Variants in GPATCH2L observed in about 807,000 individuals in gnomAD.
GPATCH2L encodes G patch domain-containing protein 2-like.
GPATCH2L carries 31 observed loss-of-function variants against 57.4 expected under a neutral mutation model. The ratio of observed to expected loss-of-function variants is 0.54; its 90% CI spans 0.41 to 0.73. GPATCH2L has a LOEUF of 0.73. Among genes scored for constraint, GPATCH2L ranks in the 30% least tolerant of loss-of-function variants. The pLI, the probability that GPATCH2L is intolerant of heterozygous loss-of-function variation, is 0.00. For missense variants in GPATCH2L, 481 were observed against 599.9 expected, an observed-to-expected ratio of 0.80 and a Z score of 2.07; for synonymous variants, 199 against 210.7, an observed-to-expected ratio of 0.94 and a Z score of 0.48.
At chr14:76,175,588 G>T (rs965064749) in intron 5 of GPATCH2L, 1 of 151,662 alleles carries the variant, frequency 6.6e-6, no homozygotes, top group Non-Finnish European at 1.5e-5. Context: ...TTTTCCCTTG[G>T]CCCCCCTACC....
chr14:76,171,324 C>T (rs2039073649), intron 3 of GPATCH2L, among the ~76,000 whole-genome samples: 1 of 151,288 alleles, frequency 6.6e-6, no homozygotes, highest in Non-Finnish European at 1.5e-5. Context: ...CCTGTAATCC[C>T]AGCACTTTGG....
intron 2 of GPATCH2L, 36 bp downstream of exon 2, chr14:76,155,061 G>A (rs760383885): frequency 1.3e-6 from 2 of 1,557,580 alleles, no homozygotes; most frequent in South Asian, 2.3e-5. Flanking sequence ...GATTTTCCTG[G>A]TTAATTTTTC....
downstream of GPATCH2L, among the ~76,000 whole-genome samples, chr14:76,216,437 T>C (rs1228502038): frequency 1.3e-5 from 2 of 152,154 alleles, no homozygotes; most frequent in African/African-American, 4.8e-5. Flanking sequence ...AATCCAGGTA[T>C]CAGATAACTC....
At chr14:76,181,913 G>C (rs1349516721) in intron 8 of GPATCH2L, among the ~76,000 whole-genome samples, 1 of 152,126 alleles carries the variant, frequency 6.6e-6, no homozygotes, top group Non-Finnish European at 1.5e-5. Context: ...GCACAAAGAA[G>C]TTACTTTCAT....
intron 2 of GPATCH2L, among the ~76,000 whole-genome samples, chr14:76,160,785 G>T (rs1437518159): frequency 6.6e-6 from 1 of 152,156 alleles, no homozygotes; most frequent in Non-Finnish European, 1.5e-5. Flanking sequence ...ACTGTGAGAA[G>T]ACGTTCCATC....
intron 2 of GPATCH2L, among the ~76,000 whole-genome samples, chr14:76,162,088 C>T (rs1238281313): frequency 6.6e-6 from 1 of 151,238 alleles, no homozygotes; most frequent in Non-Finnish European, 1.5e-5. Flanking sequence ...AATACTTTAT[C>T]GCTTGGAATC....
Position 76,154,867 on chromosome 14 carries a change from G to C in GPATCH2L, c.504G>C (p.Leu168=), listed in dbSNP as rs2038228684. 4 of 1,614,224 alleles carry C rather than the reference G, an allele frequency of 2.5e-6. No homozygotes were observed. Among genetic ancestry groups the C allele is most frequent in the Non-Finnish European group, 3.4e-6 (4 of 1,180,024 alleles). Residue 168 remains leucine, a synonymous_variant, in exon 2 of 10, where the codon CTG becomes CTC. Transcript: ENST00000261530. The surrounding 1 kb of genome is among the most constrained non-coding windows in gnomAD (Gnocchi z 4.4). Reference sequence around the variant, plus strand: ...TCAAGTCTGCTAAGAAGCAGCGTCTGTCCCGCTGGAAGGAGAATACTCCCT... The same window carrying C: ...TCAAGTCTGCTAAGAAGCAGCGTCTCTCCCGCTGGAAGGAGAATACTCCCT... ...CRFKSAKKQR[L]SRWKENTPWT...
chr14:76,178,522 A>G (rs937935782), intron 7 of GPATCH2L: 2 of 205,004 alleles, frequency 9.8e-6, no homozygotes, highest in Non-Finnish European at 2.0e-5. Flanking sequence ...ATTGTAATAT[A>G]TAATGAAATA....
chr14:76,190,965 C>T (rs1333017760), intron 8 of GPATCH2L, among the ~76,000 whole-genome samples: 1 of 152,102 alleles, frequency 6.6e-6, no homozygotes, highest in Non-Finnish European at 1.5e-5. Context: ...TACAATGTGC[C>T]TAATTGAAAG....
In GPATCH2L at chr14:76,205,761, A is replaced by C. The variant is rs60135001; in HGVS notation, c.*3910A>C. On this transcript the variant is annotated 3_prime_UTR_variant, in exon 10 of 10. Coordinates refer to ENST00000261530, the MANE Select transcript of GPATCH2L (RefSeq NM_017926.4). ...ACAAAGGAACTAGGCTGGCACAGTC[A>C]TTGCTGATGCGATGGGTTCTCCACT... 17,719 of 152,332 alleles carry C rather than the reference A, an allele frequency of 0.12. 1,069 individuals carry two copies. Among genetic ancestry groups the C allele is most frequent in the Admixed American group, 0.15 (2,344 of 15,298 alleles). 9.4% of individuals were successfully genotyped at this position (152,332 alleles called of 1,614,324 possible). A position where few individuals can be genotyped will look rare whatever the true frequency, so the allele number is the denominator to read the frequency against.
At chr14:76,231,889 C>T (rs1052148950) in intron 2 of GPATCH2L, among the ~76,000 whole-genome samples, 2 of 68,970 alleles carry the variant, frequency 2.9e-5, no homozygotes, top group African/African-American at 8.5e-5. Context: ...CATAGCCATC[C>T]TCCCATATAA....
intron 8 of GPATCH2L, among the ~76,000 whole-genome samples, chr14:76,192,079 T>C (rs1363278338): frequency 6.6e-6 from 1 of 151,952 alleles, no homozygotes; most frequent in East Asian, 1.9e-4. Context: ...CCTAATGTCC[T>C]CTAGTTCCAT....
chr14:76,190,586 C>T (rs1459951522), intron 8 of GPATCH2L, among the ~76,000 whole-genome samples: 1 of 152,060 alleles, frequency 6.6e-6, no homozygotes, highest in African/African-American at 2.4e-5. Flanking sequence ...TGTCTTTTCT[C>T]TAATTGCATA....
intron 2 of GPATCH2L, among the ~76,000 whole-genome samples, chr14:76,159,854 C>T (rs1368017610): frequency 6.6e-5 from 10 of 152,146 alleles, no homozygotes; most frequent in Non-Finnish European, 1.3e-4. Context: ...ATACTCAGGC[C>T]GGGCGTGGTG....
downstream of GPATCH2L, among the ~76,000 whole-genome samples, chr14:76,215,856 T>C (rs1301400507): frequency 6.6e-6 from 1 of 151,262 alleles, no homozygotes; most frequent in African/African-American, 2.4e-5. Flanking sequence ...GCATGGCACA[T>C]GTATACATAT....
intron 2 of GPATCH2L, among the ~76,000 whole-genome samples, chr14:76,232,877 G>GTGCAGC (rs1313053641): frequency 6.6e-6 from 1 of 152,026 alleles, no homozygotes; most frequent in Non-Finnish European, 1.5e-5. Flanking sequence ...TTGACTGCCC[G>GTGCAGC]TGCAGCTGCT....
chr14:76,199,107 G>A (rs1405684987), intron 9 of GPATCH2L, among the ~76,000 whole-genome samples: 1 of 152,122 alleles, frequency 6.6e-6, no homozygotes, highest in African/African-American at 2.4e-5. Flanking sequence ...GATATGTAAG[G>A]AGTAAATAAA....
At chr14:76,184,099 T>C (rs2039680998) in intron 8 of GPATCH2L, among the ~76,000 whole-genome samples, 1 of 151,752 alleles carries the variant, frequency 6.6e-6, no homozygotes. Context: ...TATAATTTTA[T>C]TTTGCAAAGA....
chr14:76,219,788 G>C (rs1016265101), intron 1 of GPATCH2L, among the ~76,000 whole-genome samples: 1 of 152,172 alleles, frequency 6.6e-6, no homozygotes, highest in African/African-American at 2.4e-5. Context: ...AAAGTCATTG[G>C]AGGGGATAGT....
Sources: allele counts gnomAD v4.1 joint callset (sites outside exome capture counted in the v4.1 genomes callset), GRCh38; gene constraint gnomAD v4.1.1; non-coding constraint Gnocchi (gnomAD v3.1); transcripts MANE v1.5; gene names NCBI Gene and HGNC (gene_info 2026-07-23, HGNC 2026-07-21).